PTOV1: variants seen among roughly 807,000 people sequenced by gnomAD.
PTOV1 encodes PTOV1 extended AT-hook containing adaptor protein.
In PTOV1, 20 loss-of-function variants were observed where a neutral mutation model predicts 58.0. That is an observed-to-expected ratio of 0.34 (90% CI 0.24 to 0.50). The LOEUF (loss-of-function observed/expected upper bound fraction) is 0.50, where lower values mean the gene tolerates loss of function less well. Ranked by LOEUF, PTOV1 falls within the 20% of genes least tolerant of loss-of-function variation. PTOV1 has a pLI of 0.98. For missense variants in PTOV1, 593 were observed against 565.4 expected, an observed-to-expected ratio of 1.05 and a Z score of -0.50; for synonymous variants, 335 against 234.2, an observed-to-expected ratio of 1.43 and a Z score of -3.93.
At chr19:49,856,639 C>G (rs1337690436) in intron 5 of PTOV1, 3 of 328,786 alleles carry the variant, frequency 9.1e-6, no homozygotes, top group African/African-American at 6.3e-5. Flanking sequence ...GGGGCGCTGC[C>G]TGTGCTCTTA....
intron 1 of PTOV1, chr19:49,851,791 A>C: frequency 1.9e-6 from 2 of 1,040,836 alleles, no homozygotes; most frequent in Non-Finnish European, 2.3e-6. Context: ...GGCGGCAGAC[A>C]GGCAGCCGGC....
Position 49,851,377 on chromosome 19 carries a change from C to G in PTOV1, c.49C>G (p.Leu17Val), listed in dbSNP as rs1452783050. Residue 17 changes from leucine (L) to valine (V), a missense_variant, in exon 1 of 12, where the codon CTC becomes GTC. By Grantham distance (32) the Leu-to-Val change is conservative. Transcript: ENST00000391842. ...GTACCGCTCCGGCGCCGGGGGCCCC[C>G]TCGGGGGTCGCGGCCGCCCTCCGCG... 12 of 1,147,582 alleles carry G rather than the reference C, an allele frequency of 1.0e-5. No homozygotes were observed. The highest frequency in any genetic ancestry group is 1.3e-5 in the Non-Finnish European group (12 of 935,018). 71.1% of individuals were successfully genotyped at this position (1,147,582 alleles called of 1,614,324 possible).
chr19:49,851,627 G>T (rs1469578462), intron 1 of PTOV1, 128 bp downstream of exon 1: 3 of 1,074,640 alleles, frequency 2.8e-6, no homozygotes, highest in South Asian at 9.4e-5. Context: ...GGGTGGTCCC[G>T]CCCGGGGCCG....
chr19:49,857,167 G>C (rs1481872831), intron 6 of PTOV1, 37 bp downstream of exon 6: 2 of 1,612,424 alleles, frequency 1.2e-6, no homozygotes, highest in African/African-American at 1.3e-5. Context: ...GGGGACAGAG[G>C]GGGATTAGAC....
exon 12 of PTOV1, chr19:49,860,428 G>GAGAGC (rs1014824673): frequency 4.8e-6 from 6 of 1,259,070 alleles, no homozygotes; most frequent in South Asian, 4.4e-5. Flanking sequence ...TGGCCTTGGG[G>GAGAGC]AGAGCAGAGC....
intron 6 of PTOV1, 145 bp downstream of exon 6, chr19:49,857,275 G>A: frequency 1.7e-6 from 2 of 1,205,418 alleles, no homozygotes; most frequent in South Asian, 1.4e-5. Flanking sequence ...ATGCCGGGCG[G>A]GTTCCCACCA....
intron 1 of PTOV1, chr19:49,852,690 G>C (rs1437346249): frequency 2.0e-5 from 3 of 152,196 alleles, no homozygotes; most frequent in African/African-American, 7.2e-5. Context: ...TTGAAGTCCT[G>C]AGTCAACCTG....
intron 1 of PTOV1, 191 bp downstream of exon 1, chr19:49,851,690 G>C: frequency 8.7e-7 from 1 of 1,154,134 alleles, no homozygotes; most frequent in Non-Finnish European, 1.1e-6. Context: ...CCTTTGTTGC[G>C]CGTTCGGGCC....
chr19:49,853,700 C>T (rs2074348839), intron 1 of PTOV1, among the ~76,000 whole-genome samples: 1 of 152,162 alleles, frequency 6.6e-6, no homozygotes, highest in East Asian at 1.9e-4. Context: ...CTAGAACTTT[C>T]TCTTGGTGTT....
At chr19:49,857,065 C>T in exon 6 of PTOV1, 1 of 1,614,126 alleles carries the variant, frequency 6.2e-7, no homozygotes. Context: ...CTTCATGGGC[C>T]TCATCCCCTA....
chr19:49,851,655 C>T (rs2074252878), intron 1 of PTOV1, 156 bp downstream of exon 1: 2 of 1,122,638 alleles, frequency 1.8e-6, no homozygotes, highest in Non-Finnish European at 2.2e-6. Context: ...CCGTGGAGCA[C>T]CCGGTGGTTC....
exon 12 of PTOV1, chr19:49,860,382 G>A (rs139090214): frequency 1.6e-6 from 2 of 1,220,384 alleles, no homozygotes; most frequent in Non-Finnish European, 2.2e-6. Flanking sequence ...TGGGGCATGT[G>A]GGGGGGGTGG....
At chr19:49,851,065 C>G, upstream of PTOV1, 3 of 1,475,126 alleles carry the variant, frequency 2.0e-6, no homozygotes, top group South Asian at 3.9e-5. Context: ...CACTCCGCTC[C>G]CGCCCGGGCC....
intron 5 of PTOV1, chr19:49,855,748 G>A (rs1034177981): frequency 3.2e-5 from 5 of 155,014 alleles, no homozygotes; most frequent in African/African-American, 1.2e-4. Flanking sequence ...GGGAGGACAG[G>A]GGAGCCGTGC....
chr19:49,860,252 T>C lies in PTOV1; in HGVS notation c.1240-16T>C. 9 of 1,613,744 alleles carry C rather than the reference T, an allele frequency of 5.6e-6. No individual in the cohort carries two copies. The highest frequency in any genetic ancestry group is 6.8e-6 in the Non-Finnish European group (8 of 1,179,800). On this transcript the variant is annotated splice_polypyrimidine_tract_variant and intron_variant, in intron 11 of 11. Transcript: ENST00000391842. ...CCGCTGCCTGCTCACCACTGGCCTC[T>C]GATTTCTCGCCGTAGATGGGGGGGT...
rs897103661 is a variant in PTOV1 at position 49,854,946 on chromosome 19, A to G, written c.451-24A>G. On this transcript the variant is annotated intron_variant, in intron 4 of 11. Transcript: ENST00000391842. ...GAGCACCCCCATGCCTGGCTGACCC[A>G]GCTGTCTGTCCTGTCGCCCCCAGAC... 3 of 1,333,362 alleles carry G rather than the reference A, an allele frequency of 2.2e-6. No homozygotes were observed. In the Admixed American group the frequency reaches 6.6e-5, roughly 30 times the overall value. 82.6% of individuals were successfully genotyped at this position (1,333,362 alleles called of 1,614,324 possible).
At chr19:49,851,637 G>C (rs1039841445) in intron 1 of PTOV1, 138 bp downstream of exon 1, 8 of 1,089,494 alleles carry the variant, frequency 7.3e-6, no homozygotes, top group Non-Finnish European at 9.1e-6. Context: ...GCCCGGGGCC[G>C]GGTTCCCCCG....
intron 9 of PTOV1, 155 bp from the exon 10 acceptor site, chr19:49,858,394 G>A: frequency 1.4e-6 from 1 of 705,470 alleles, no homozygotes; most frequent in African/African-American, 1.8e-5. Flanking sequence ...AGCACTCCAG[G>A]GTTGGGCTGG....
At chr19:49,855,482 A>C in intron 5 of PTOV1, 1 of 252,112 alleles carries the variant, frequency 4.0e-6, no homozygotes, top group South Asian at 4.9e-5. Context: ...GGTCTGTAAA[A>C]TGGGCTAACC....
Sources: allele counts gnomAD v4.1 joint callset (sites outside exome capture counted in the v4.1 genomes callset), GRCh38; gene constraint gnomAD v4.1.1; transcripts MANE v1.5; gene names NCBI Gene and HGNC (gene_info 2026-07-23, HGNC 2026-07-21).